RHOU: variants seen among roughly 807,000 people sequenced by gnomAD.
The protein encoded by RHOU is ras homolog family member U.
In RHOU, 8 loss-of-function variants were observed where a neutral mutation model predicts 12.6. The ratio of observed to expected loss-of-function variants is 0.64; its 90% CI spans 0.37 to 1.15. The LOEUF (loss-of-function observed/expected upper bound fraction) is 1.15, where lower values mean the gene tolerates loss of function less well. RHOU is among the 50% of genes most tolerant of loss of function. The pLI is 0.01. For missense variants in RHOU, 258 were observed against 347.0 expected (o/e 0.74, Z 2.04); for synonymous variants, 161 against 147.4 (o/e 1.09, Z -0.67).
the RHOU span, among the ~76,000 whole-genome samples, chr1:228,694,221 A>G: frequency 6.6e-6 from 1 of 152,256 alleles, no homozygotes; most frequent in Non-Finnish European, 1.5e-5. Context: ...TTTAATAACA[A>G]AACTAAGATT....
At chr1:228,658,286 C>CA in the RHOU span, among the ~76,000 whole-genome samples, 18,387 of 93,704 alleles carry the variant, frequency 0.2, 1,709 homozygotes, top group East Asian at 0.35. Flanking sequence ...GACCCTGTCT[C>CA]AAAAAAAAAA....
the RHOU span, among the ~76,000 whole-genome samples, chr1:228,693,363 G>T: frequency 6.6e-6 from 1 of 152,134 alleles, no homozygotes; most frequent in African/African-American, 2.4e-5. Flanking sequence ...CCTCAGATAG[G>T]ATGCAAACTA....
the RHOU span, among the ~76,000 whole-genome samples, chr1:228,726,085 T>C: frequency 6.6e-6 from 1 of 152,222 alleles, no homozygotes; most frequent in Admixed American, 6.5e-5. Context: ...TTTTTTCTCC[T>C]TCCTCCTTAT....
rs574399842 is a variant in RHOU, at chr1:228,743,884, A to G, written c.*144A>G. 8.0e-5 allele frequency: 53 copies of G among 666,220 alleles called. No homozygotes were observed. The African/African-American group carries it at 9.1e-4, about 11-fold the overall frequency. 41.3% of individuals were successfully genotyped at this position (666,220 alleles called of 1,614,324 possible). A position where few individuals can be genotyped will look rare whatever the true frequency, so the allele number is the denominator to read the frequency against. On this transcript the variant is annotated 3_prime_UTR_variant, in exon 3 of 3. Coordinates refer to ENST00000366691, the MANE Select transcript of RHOU (RefSeq NM_021205.6). This position sits in a 1 kb window ranked among gnomAD's most constrained non-coding sequence, Gnocchi z 5.1. ...ATAGGAGGAGCTCTCAATTTTATGT[A>G]TTCTTTCTGCCTTTAATTTTCTTGT...
chr1:228,721,233 C>T, the RHOU span, among the ~76,000 whole-genome samples: 3 of 152,222 alleles, frequency 2.0e-5, no homozygotes, highest in Non-Finnish European at 2.9e-5. Flanking sequence ...ACCTGGGAGG[C>T]GAAGGTTGCA....
In RHOU at chr1:228,745,760, C is replaced by G. The variant is rs1662819461; in HGVS notation, c.*2020C>G. 1.3e-5 allele frequency: 2 copies of G among 152,198 alleles called. No individual in the cohort carries two copies. The highest frequency in any genetic ancestry group is 4.1e-4 in the South Asian group (2 of 4,834). 9.4% of individuals were successfully genotyped at this position (152,198 alleles called of 1,614,324 possible). On this transcript the variant is annotated 3_prime_UTR_variant, in exon 3 of 3. Coordinates refer to ENST00000366691, the MANE Select transcript of RHOU (RefSeq NM_021205.6). ...GCTAGGCTTCCCAGGCTGGGCTCTG[C>G]CTGTCTGGTGCCTGGAGGTGTGGGA...
the RHOU span, among the ~76,000 whole-genome samples, chr1:228,693,075 A>T: frequency 6.6e-6 from 1 of 152,256 alleles, no homozygotes; most frequent in Admixed American, 6.5e-5. Flanking sequence ...AAAGTTTAAC[A>T]AGATAAACAA....
At chr1:228,648,858 C>CTT in the RHOU span, among the ~76,000 whole-genome samples, 3 of 150,400 alleles carry the variant, frequency 2.0e-5, no homozygotes, top group East Asian at 1.9e-4. Flanking sequence ...CTTCCTCTCT[C>CTT]TCTTTCTTTC....
chr1:228,713,780 A>G, the RHOU span, among the ~76,000 whole-genome samples: 1 of 152,186 alleles, frequency 6.6e-6, no homozygotes, highest in Non-Finnish European at 1.5e-5. Context: ...GGGGCTTGCT[A>G]CTGGCATTGG....
the RHOU span, among the ~76,000 whole-genome samples, chr1:228,683,113 G>A: frequency 6.6e-6 from 1 of 152,172 alleles, no homozygotes; most frequent in Non-Finnish European, 1.5e-5. Context: ...GCCACCCTTG[G>A]GATCTGGGCT....
In RHOU at chr1:228,737,757, C is replaced by T; in HGVS notation, c.321+26C>T. 1 of 1,611,716 alleles carries T rather than the reference C, an allele frequency of 6.2e-7. No homozygotes were observed. The highest frequency in any genetic ancestry group is 8.5e-7 in the Non-Finnish European group (1 of 1,177,840). On this transcript the variant is annotated intron_variant, in intron 2 of 2. Coordinates refer to ENST00000366691, the MANE Select transcript of RHOU (RefSeq NM_021205.6). This position sits in a 1 kb window ranked among gnomAD's most constrained non-coding sequence, Gnocchi z 4.1. ...GTCAGTATCACGTTACAGCTCAGTG[C>T]TGGGAAAGGAAACAGCCTTTTAAAG...
the RHOU span, among the ~76,000 whole-genome samples, chr1:228,647,351 T>C: frequency 1.3e-5 from 2 of 152,218 alleles, no homozygotes; most frequent in African/African-American, 4.8e-5. Context: ...CCCGCCCTTT[T>C]GGCGGGAGCC....
chr1:228,709,402 G>A, the RHOU span, among the ~76,000 whole-genome samples: 1 of 148,710 alleles, frequency 6.7e-6, no homozygotes, highest in African/African-American at 2.5e-5. Flanking sequence ...TGACCACATA[G>A]TTGGAAGTAA....
At chr1:228,648,149 C>G in the RHOU span, 1 of 152,356 alleles carries the variant, frequency 6.6e-6, no homozygotes, top group Admixed American at 6.5e-5. Flanking sequence ...AGCCGCTCGC[C>G]GGAGGTCTGG....
the RHOU span, among the ~76,000 whole-genome samples, chr1:228,703,173 C>A: frequency 6.6e-6 from 1 of 152,284 alleles, no homozygotes; most frequent in South Asian, 2.1e-4. Flanking sequence ...TGACCCAGTC[C>A]TCCCTCTCAG....
In RHOU at chr1:228,743,029, C is replaced by T. The variant is rs1662756100; in HGVS notation, c.322-256C>T. Among the ~76,000 whole-genome samples the T allele has an allele frequency of 6.6e-6, 1 of 152,148 alleles. No individual in the cohort carries two copies. The highest frequency in any genetic ancestry group is 2.4e-5 in the African/African-American group (1 of 41,424). ...TAAGCTGTAAGTAGGTCTTGAGTGT[C>T]GATGAACACGTTGAACATGTTTGGC... On this transcript the variant is annotated intron_variant, in intron 2 of 2. Coordinates refer to ENST00000366691, the MANE Select transcript of RHOU (RefSeq NM_021205.6). The surrounding 1 kb of genome is among the most constrained non-coding windows in gnomAD (Gnocchi z 5.1).
At chr1:228,727,722 G>A in the RHOU span, among the ~76,000 whole-genome samples, 1 of 152,172 alleles carries the variant, frequency 6.6e-6, no homozygotes, top group South Asian at 2.1e-4. Flanking sequence ...AAAAGGGAGA[G>A]GGCTGCAGTT....
At chr1:228,669,389 G>A in the RHOU span, among the ~76,000 whole-genome samples, 1 of 152,202 alleles carries the variant, frequency 6.6e-6, no homozygotes, top group Non-Finnish European at 1.5e-5. Context: ...CACAGTCTTG[G>A]TGGTTCATGT....
the RHOU span, among the ~76,000 whole-genome samples, chr1:228,710,886 C>T: frequency 5.9e-5 from 9 of 151,384 alleles, no homozygotes; most frequent in Non-Finnish European, 1.0e-4. Flanking sequence ...TGTTTGCAGA[C>T]GACATGATTG....
Sources: allele counts gnomAD v4.1 joint callset (sites outside exome capture counted in the v4.1 genomes callset), GRCh38; gene constraint gnomAD v4.1.1; non-coding constraint Gnocchi (gnomAD v3.1); transcripts MANE v1.5; gene names NCBI Gene and HGNC (gene_info 2026-07-23, HGNC 2026-07-21).